The following TYW1B variants were observed in gnomAD, a reference collection of about 807,000 sequenced individuals.
TYW1B encodes the protein tRNA-yW synthesizing protein 1 homolog B.
TYW1B carries 73 observed loss-of-function variants against 86.9 expected under a neutral mutation model. That is an observed-to-expected ratio of 0.84 (90% CI 0.70 to 1.02). TYW1B has a LOEUF of 1.02. Among genes scored for constraint, TYW1B ranks in the 50% least tolerant of loss-of-function variants. The pLI is 0.00. For synonymous variants in TYW1B, 248 were observed against 292.8 expected (o/e 0.85, Z 1.56); for missense variants, 637 against 827.4 (o/e 0.77, Z 2.82).
At position 72,810,583 on chromosome 7, in the gene TYW1B, T is replaced by C. The variant is rs549041845; in HGVS notation, c.320A>G (p.Lys107Arg). Residue 107 changes from lysine (K) to arginine (R), a missense_variant, in exon 4 of 14, where the codon AAA (lysine) becomes AGA (arginine). By Grantham distance (26) the Lys-to-Arg change is conservative. Coordinates refer to ENST00000620995, the MANE Select transcript of TYW1B (RefSeq NM_001145440.3). ...LPTESAEWFC[K>R]WLEEASIDFR... ...ATCAATGGATGCTTCCTCTAACCAT[T>C]TGCAGAACCACTCTGCACTTTCGGT... 8.1e-6 allele frequency: 13 copies of C among 1,613,954 alleles called. No individual in the cohort carries two copies. Among genetic ancestry groups the C allele is most frequent in the South Asian group, 5.5e-5 (5 of 91,082 alleles).
At chr7:72,756,289 C>A (rs937321550) in intron 7 of TYW1B, among the ~76,000 whole-genome samples, 2 of 151,230 alleles carry the variant, frequency 1.3e-5, no homozygotes, top group East Asian at 3.9e-4. Context: ...GTCTGGAATG[C>A]GGTGGCATGA....
At chr7:72,714,316 T>A (rs1170416884) in intron 9 of TYW1B, among the ~76,000 whole-genome samples, 5 of 152,054 alleles carry the variant, frequency 3.3e-5, no homozygotes, top group Non-Finnish European at 5.9e-5. Flanking sequence ...CCTGAGGAGC[T>A]TCAAAAAATA....
At chr7:72,675,620 A>G (rs1362382271) in intron 11 of TYW1B, among the ~76,000 whole-genome samples, 1 of 151,214 alleles carries the variant, frequency 6.6e-6, no homozygotes, top group African/African-American at 2.4e-5. Context: ...CACTGTATAT[A>G]CACACACACA....
intron 6 of TYW1B, among the ~76,000 whole-genome samples, chr7:72,787,305 A>G (rs1351530854): frequency 1.3e-5 from 2 of 151,922 alleles, no homozygotes; most frequent in Non-Finnish European, 2.9e-5. Context: ...TCTACAAAAA[A>G]TACAAAAATT....
At chr7:72,651,240 GAATT>G (rs1554442738) in intron 11 of TYW1B, among the ~76,000 whole-genome samples, 1 of 152,122 alleles carries the variant, frequency 6.6e-6, no homozygotes. Flanking sequence ...AGTACAGAAT[GAATT>G]ATCCAACAAA....
intron 9 of TYW1B, among the ~76,000 whole-genome samples, chr7:72,715,916 A>T (rs1786772729): frequency 6.6e-6 from 1 of 151,900 alleles, no homozygotes; most frequent in Middle Eastern, 3.2e-3. Context: ...CCTATTGGAC[A>T]TCTTTGTTTT....
intron 11 of TYW1B, among the ~76,000 whole-genome samples, chr7:72,641,765 C>A (rs1563042365): frequency 3.3e-5 from 5 of 152,084 alleles, no homozygotes; most frequent in Admixed American, 1.3e-4. Context: ...GTATGAAATG[C>A]CACTTCGTTG....
At chr7:72,739,764 G>A (rs1439983103) in intron 8 of TYW1B, among the ~76,000 whole-genome samples, 6 of 144,264 alleles carry the variant, frequency 4.2e-5, no homozygotes, top group Non-Finnish European at 1.5e-5. Context: ...GTGAACTGGA[G>A]CACTGAAAAG....
chr7:72,810,376 G>A (rs1297791289), intron 4 of TYW1B, 95 bp downstream of exon 4: 9 of 1,278,372 alleles, frequency 7.0e-6, no homozygotes, highest in African/African-American at 5.0e-5. Flanking sequence ...GTGTGTGTAC[G>A]TGTGTGCACG....
chr7:72,594,915 T>A (rs1342298062), intron 13 of TYW1B, among the ~76,000 whole-genome samples: 1 of 152,134 alleles, frequency 6.6e-6, no homozygotes, highest in Non-Finnish European at 1.5e-5. Context: ...AGGAAAGGCA[T>A]CTGACAAAAC....
chr7:72,766,633 A>C (rs1554468453), intron 7 of TYW1B, among the ~76,000 whole-genome samples: 1 of 148,190 alleles, frequency 6.7e-6, no homozygotes, highest in Non-Finnish European at 1.5e-5. Flanking sequence ...AAAAAAAAAA[A>C]CATAACTACA....
chr7:72,827,045 C>T, intron 1 of TYW1B, 60 bp from the exon 2 acceptor site: 1 of 1,528,162 alleles, frequency 6.5e-7, no homozygotes, highest in Non-Finnish European at 8.8e-7. Context: ...CAAAGATATC[C>T]TTCCCGATTT....
At chr7:72,717,280 A>G (rs1439276712) in intron 9 of TYW1B, among the ~76,000 whole-genome samples, 1 of 151,634 alleles carries the variant, frequency 6.6e-6, no homozygotes, top group Non-Finnish European at 1.5e-5. Flanking sequence ...TAGCCTGGGC[A>G]ACAGGGCAAG....
chr7:72,586,712 G>A (rs1434785037), intron 13 of TYW1B, among the ~76,000 whole-genome samples: 1 of 151,822 alleles, frequency 6.6e-6, no homozygotes, highest in Non-Finnish European at 1.5e-5. Context: ...ATTCCAGCAT[G>A]GGTGACAGAG....
intron 11 of TYW1B, among the ~76,000 whole-genome samples, chr7:72,633,140 C>T (rs1225459425): frequency 6.6e-6 from 1 of 152,230 alleles, no homozygotes; most frequent in Non-Finnish European, 1.5e-5. Context: ...GAAGTTACTG[C>T]CCCTTTCCTA....
chr7:72,626,971 C>A (rs1280584129), intron 12 of TYW1B, among the ~76,000 whole-genome samples: 1 of 151,744 alleles, frequency 6.6e-6, no homozygotes, highest in African/African-American at 2.4e-5. Context: ...AAATCCAATC[C>A]CCTTATCTTT....
rs1487072579 is a variant in TYW1B, at chr7:72,650,454, A to AACTC, written c.1507-21458_1507-21457insGAGT. Among the ~76,000 whole-genome samples, 9 of 152,308 alleles carry AACTC rather than the reference A, an allele frequency of 5.9e-5. No individual in the cohort carries two copies. The East Asian group carries it at 1.5e-3, about 26-fold the overall frequency. ...GGAAGATGAGCCCAGAAAGAAGAGT[A>AACTC]GACCACACTTACACTAACATTAGGA... On this transcript the variant is annotated intron_variant, in intron 11 of 13. Coordinates refer to ENST00000620995, the MANE Select transcript of TYW1B (RefSeq NM_001145440.3).
chr7:72,812,698 G>A (rs183593298), intron 3 of TYW1B, among the ~76,000 whole-genome samples: 1 of 151,218 alleles, frequency 6.6e-6, no homozygotes, highest in African/African-American at 2.4e-5. Context: ...GCTGCCTTTT[G>A]GGGTTTTTTT....
chr7:72,656,481 G>A (rs183080130), intron 11 of TYW1B, among the ~76,000 whole-genome samples: 1 of 152,196 alleles, frequency 6.6e-6, no homozygotes, highest in East Asian at 1.9e-4. Flanking sequence ...AGTGGCTCAT[G>A]CCTATAATCC....
Sources: allele counts gnomAD v4.1 joint callset (sites outside exome capture counted in the v4.1 genomes callset), GRCh38; gene constraint gnomAD v4.1.1; transcripts MANE v1.5; gene names NCBI Gene and HGNC (gene_info 2026-07-23, HGNC 2026-07-21).